The following VNN1 variants were observed in gnomAD, a reference collection of about 807,000 sequenced individuals.
VNN1 encodes the protein vanin 1, also known as pantetheinase.
VNN1 carries 29 observed loss-of-function variants against 41.9 expected under a neutral mutation model. The observed-to-expected ratio is 0.69, with a 90% CI of 0.52 to 0.94. VNN1 has a LOEUF of 0.94. Ranked by LOEUF, VNN1 falls within the 40% of genes least tolerant of loss-of-function variation. VNN1 has a pLI of 0.00. For synonymous variants in VNN1, 233 were observed against 224.4 expected (o/e 1.04, Z -0.34); for missense variants, 637 against 621.1 (o/e 1.03, Z -0.27).
intron 6 of VNN1, 69 bp downstream of exon 6, chr6:132,684,266 A>C: frequency 1.4e-6 from 2 of 1,466,440 alleles, no homozygotes; most frequent in Non-Finnish European, 1.8e-6. Flanking sequence ...TAAGCACTTG[A>C]GCAGATTTTT....
chr6:132,705,749 T>C (rs1400260484), intron 2 of VNN1, among the ~76,000 whole-genome samples: 8 of 152,168 alleles, frequency 5.3e-5, no homozygotes, highest in African/African-American at 1.7e-4. Flanking sequence ...GATGTTATTA[T>C]CTTATACTTG....
chr6:132,702,669 A>AAGTTG (rs1778464364), intron 2 of VNN1, among the ~76,000 whole-genome samples: 1 of 152,206 alleles, frequency 6.6e-6, no homozygotes, highest in Non-Finnish European at 1.5e-5. Flanking sequence ...TGCAACTTGG[A>AAGTTG]TAACAGCTCA....
At chr6:132,704,665 A>C (rs1478425803) in intron 2 of VNN1, among the ~76,000 whole-genome samples, 1 of 152,056 alleles carries the variant, frequency 6.6e-6, no homozygotes, top group African/African-American at 2.4e-5. Flanking sequence ...GAAAAGGAAG[A>C]GCAAACCAAA....
At chr6:132,712,928 A>G (rs973317168) in intron 1 of VNN1, among the ~76,000 whole-genome samples, 1 of 152,210 alleles carries the variant, frequency 6.6e-6, no homozygotes, top group Non-Finnish European at 1.5e-5. Context: ...TGAGGTCAGG[A>G]GTTCAAGTAC....
chr6:132,697,372 C>T (rs1778389592), intron 2 of VNN1, among the ~76,000 whole-genome samples: 4 of 151,992 alleles, frequency 2.6e-5, no homozygotes, highest in Admixed American at 2.6e-4. Context: ...AAGCTGTTGC[C>T]ATTGTTCAAA....
At chr6:132,704,715 G>A (rs1010836794) in intron 2 of VNN1, among the ~76,000 whole-genome samples, 1 of 150,110 alleles carries the variant, frequency 6.7e-6, no homozygotes, top group African/African-American at 2.5e-5. Context: ...CATCTGAACA[G>A]AAATAAATGA....
chr6:132,710,211 C>T (rs563328761), intron 2 of VNN1, among the ~76,000 whole-genome samples: 30 of 151,994 alleles, frequency 2.0e-4, no homozygotes, highest in African/African-American at 6.3e-4. Flanking sequence ...CACCACGCCC[C>T]ACTAATTTTT....
Position 132,683,009 on chromosome 6 carries a change from G to A in VNN1, c.*131C>T, listed in dbSNP as rs1778149721. On this transcript the variant is annotated 3_prime_UTR_variant, in exon 7 of 7. Transcript: ENST00000367928. ...TAAGTTTATATTATCTGGTGTGTGT[G>A]TGTTTGTCTAAATAAAGAGAAACTA... The A allele has an allele frequency of 1.0e-5, 7 of 676,540 alleles. No individual in the cohort carries two copies. The highest frequency in any genetic ancestry group is 1.6e-5 in the Non-Finnish European group (7 of 430,622). 41.9% of individuals were successfully genotyped at this position (676,540 alleles called of 1,614,324 possible).
intron 2 of VNN1, among the ~76,000 whole-genome samples, chr6:132,697,662 T>C (rs1582773352): frequency 6.6e-6 from 1 of 151,464 alleles, no homozygotes; most frequent in Non-Finnish European, 1.5e-5. Context: ...AAATATTGGC[T>C]ACTAGATCTA....
chr6:132,691,966 T>C (rs1778292741), intron 5 of VNN1, among the ~76,000 whole-genome samples: 2 of 149,602 alleles, frequency 1.3e-5, no homozygotes. Flanking sequence ...GATGCACCAC[T>C]GCACTCCAGC....
intron 2 of VNN1, among the ~76,000 whole-genome samples, chr6:132,695,740 C>T (rs926263307): frequency 9.9e-5 from 15 of 151,978 alleles, no homozygotes; most frequent in African/African-American, 3.6e-4. Context: ...TTTAGAAAGT[C>T]GCCATACATG....
intron 2 of VNN1, among the ~76,000 whole-genome samples, chr6:132,696,288 GAAC>G (rs968987991): frequency 6.6e-6 from 1 of 152,064 alleles, no homozygotes; most frequent in African/African-American, 2.4e-5. Flanking sequence ...TGAGTCTGCA[GAAC>G]AACAACAAAA....
At chr6:132,708,193 T>C (rs1478616898) in intron 2 of VNN1, among the ~76,000 whole-genome samples, 2 of 152,224 alleles carry the variant, frequency 1.3e-5, no homozygotes, top group African/African-American at 4.8e-5. Context: ...TCTTCTATGA[T>C]GCAATCAAAG....
At chr6:132,698,836 C>T (rs113426244) in intron 2 of VNN1, 157 of 225,778 alleles carry the variant, frequency 7.0e-4, no homozygotes, top group African/African-American at 3.4e-3. Context: ...AGCTGAATGC[C>T]TTGTTGGAAC....
chr6:132,683,837 T>C (rs45498992), intron 6 of VNN1, among the ~76,000 whole-genome samples: 4,240 of 152,332 alleles, frequency 0.028, 195 homozygotes, highest in African/African-American at 0.097. Context: ...GCAGAGCACA[T>C]GTGAAGCAAG....
chr6:132,692,446 C>G lies in VNN1; in HGVS notation c.965G>C (p.Ser322Thr). The G allele has an allele frequency of 6.2e-7, 1 of 1,614,132 alleles. No individual in the cohort carries two copies. Among genetic ancestry groups the G allele is most frequent in the Non-Finnish European group, 8.5e-7 (1 of 1,180,022 alleles). Residue 322 changes from serine (S) to threonine (T), a missense_variant, in exon 5 of 7, where the codon AGT becomes ACT. Ser to Thr is a moderately conservative substitution (Grantham distance 58, BLOSUM62 1). Coordinates refer to ENST00000367928, the MANE Select transcript of VNN1 (RefSeq NM_004666.3). ...GTTTCCTGATGAGAGCGCTTCTATA[C>G]TGCTGGCATAGGAAGTCCAGTTCAC... ...AVVNWTSYAS[S>T]IEALSSGNKE...
rs1484786609 is a variant in VNN1 at position 132,688,875 on chromosome 6, G to A, written c.1188+3348C>T. Among the ~76,000 whole-genome samples the A allele has an allele frequency of 4.6e-5, 7 of 152,114 alleles. No individual in the cohort carries two copies. The East Asian group carries it at 1.4e-3, about 29-fold the overall frequency. On this transcript the variant is annotated intron_variant, in intron 5 of 6. Transcript: ENST00000367928. ...CAGCACCTTGGAACACTGAGTAGGAGTAATGATTCCTTGTATATTTTATTT... is the reference window on the plus strand; with the variant it reads ...CAGCACCTTGGAACACTGAGTAGGAATAATGATTCCTTGTATATTTTATTT...
At chr6:132,693,518 T>A (rs1027268213) in intron 3 of VNN1, among the ~76,000 whole-genome samples, 1 of 152,202 alleles carries the variant, frequency 6.6e-6, no homozygotes, top group African/African-American at 2.4e-5. Flanking sequence ...ATTACAAATA[T>A]GTACATGGGT....
chr6:132,683,147 C>T lies in VNN1; in HGVS notation c.1535G>A (p.Ser512Asn). Residue 512 changes from serine to asparagine, a missense_variant, in exon 7 of 7, where the codon AGT (serine) becomes AAT (asparagine). By Grantham distance (46) the Ser-to-Asn change is conservative (BLOSUM62 1). Transcript: ENST00000367928. ...AGAGAAAAAGTCAATATTCTACCAA[C>T]TTAATGAGCATACAATAGGTGCTAT... ...IVIAPIVCSLSW is the reference protein window; with the variant it reads ...IVIAPIVCSLNW 6.3e-7 allele frequency: 1 copy of T among 1,591,246 alleles called. No homozygotes were observed. The highest frequency in any genetic ancestry group is 1.2e-5 in the South Asian group (1 of 86,722).
Sources: allele counts gnomAD v4.1 joint callset (sites outside exome capture counted in the v4.1 genomes callset), GRCh38; gene constraint gnomAD v4.1.1; transcripts MANE v1.5; gene names NCBI Gene and HGNC (gene_info 2026-07-23, HGNC 2026-07-21).